The following CLEC16A variants were observed in gnomAD, a reference collection of about 807,000 sequenced individuals.
The protein encoded by CLEC16A is C-type lectin domain containing 16A.
A neutral mutation model predicts 109.5 loss-of-function variants in CLEC16A; 51 were observed. The ratio of observed to expected loss-of-function variants is 0.47; its 90% CI spans 0.37 to 0.59. The LOEUF (loss-of-function observed/expected upper bound fraction) is 0.59, where lower values mean the gene tolerates loss of function less well. Ranked by LOEUF, CLEC16A falls within the 20% of genes least tolerant of loss-of-function variation. The pLI, the probability that CLEC16A is intolerant of heterozygous loss-of-function variation, is 0.00. For synonymous variants in CLEC16A, 673 were observed against 564.2 expected, an observed-to-expected ratio of 1.19 and a Z score of -2.73; for missense variants, 1,339 against 1,394.0, an observed-to-expected ratio of 0.96 and a Z score of 0.63.
chr16:11,051,851 C>G (rs2047959035), intron 18 of CLEC16A, among the ~76,000 whole-genome samples: 2 of 152,232 alleles, frequency 1.3e-5, no homozygotes, highest in South Asian at 4.1e-4. Context: ...TCCGTTGCAT[C>G]TGGCACCCAG....
intron 19 of CLEC16A, among the ~76,000 whole-genome samples, chr16:11,084,861 T>C (rs1323338323): frequency 2.6e-5 from 4 of 152,114 alleles, no homozygotes; most frequent in African/African-American, 9.7e-5. Context: ...GGCTGGGTGG[T>C]GATTTACCTC....
intron 22 of CLEC16A, among the ~76,000 whole-genome samples, chr16:11,146,148 G>C (rs1328806883): frequency 6.6e-6 from 1 of 152,122 alleles, no homozygotes; most frequent in Non-Finnish European, 1.5e-5. Flanking sequence ...ATCTCAGAAG[G>C]TCTTGCCAGA....
chr16:11,143,669 G>A (rs984575567), intron 22 of CLEC16A, among the ~76,000 whole-genome samples: 7 of 152,184 alleles, frequency 4.6e-5, no homozygotes, highest in African/African-American at 7.2e-5. Context: ...GGCGCCCAGG[G>A]TGAGAGCAGA....
At chr16:11,059,090 A>G (rs956980707) in intron 18 of CLEC16A, among the ~76,000 whole-genome samples, 1 of 152,216 alleles carries the variant, frequency 6.6e-6, no homozygotes, top group African/African-American at 2.4e-5. Flanking sequence ...TCAGCCACTT[A>G]GCAGGTGTGT....
chr16:11,123,894 C>T lies in CLEC16A; in HGVS notation c.2421C>T (p.Arg807=), dbSNP rs200700828. 155 of 1,613,804 alleles carry T rather than the reference C, an allele frequency of 9.6e-5. No homozygotes were observed. Among genetic ancestry groups the T allele is most frequent in the Non-Finnish European group, 1.3e-4 (149 of 1,179,896 alleles). Reference sequence around the variant, plus strand: ...TCCGCTGCATCATCGCCAAGCAGCGCCTGGCCAAAGGCCGCATCCAGGCAA... The same window carrying T: ...TCCGCTGCATCATCGCCAAGCAGCGTCTGGCCAAAGGCCGCATCCAGGCAA... ...DHIRCIIAKQ[R]LAKGRIQARR... Residue 807 remains arginine (R), a synonymous_variant, in exon 21 of 24, where the codon CGC becomes CGT. Coordinates refer to ENST00000409790, the MANE Select transcript of CLEC16A (RefSeq NM_015226.3).
At chr16:11,060,286 A>G (rs151148058) in intron 18 of CLEC16A, among the ~76,000 whole-genome samples, 19 of 152,006 alleles carry the variant, frequency 1.2e-4, no homozygotes, top group African/African-American at 4.3e-4. Flanking sequence ...TCAGCAGCAC[A>G]CCCCCTGTCG....
At chr16:11,177,867 T>TG (rs1555506690) in intron 23 of CLEC16A, among the ~76,000 whole-genome samples, 43 of 151,654 alleles carry the variant, frequency 2.8e-4, no homozygotes, top group African/African-American at 1.0e-3. Flanking sequence ...TTTTTTTTTT[T>TG]AATATTGCAG....
At chr16:11,119,373 T>C (rs1041311182) in intron 19 of CLEC16A, among the ~76,000 whole-genome samples, 2 of 152,136 alleles carry the variant, frequency 1.3e-5, no homozygotes, top group Non-Finnish European at 2.9e-5. Context: ...AGTCAGGTAG[T>C]GTGATGCTTC....
intron 11 of CLEC16A, among the ~76,000 whole-genome samples, chr16:11,009,927 G>C (rs2045297133): frequency 6.6e-6 from 1 of 152,156 alleles, no homozygotes; most frequent in Non-Finnish European, 1.5e-5. Flanking sequence ...GCCAACACAA[G>C]AGGATCACCT....
Position 11,052,515 on chromosome 16 carries a change from G to A in CLEC16A, c.1995+874G>A, listed in dbSNP as rs1203929489. On this transcript the variant is annotated intron_variant, in intron 18 of 23. Transcript: ENST00000409790. ...ACCTCGGAAGCCTGGGGGTGCAGAG[G>A]AAGTGGGACCCATGTGTCTTGAGTC... is the stretch of plus-strand genomic sequence containing the variant. Among the ~76,000 whole-genome samples, 4 of 152,158 alleles carry A rather than the reference G, an allele frequency of 2.6e-5. No individual in the cohort carries two copies. The East Asian group carries it at 7.7e-4, about 29-fold the overall frequency.
chr16:11,164,897 A>G (rs751692933), intron 22 of CLEC16A, among the ~76,000 whole-genome samples: 1 of 152,204 alleles, frequency 6.6e-6, no homozygotes, highest in Non-Finnish European at 1.5e-5. Context: ...GACCGTGTGA[A>G]GTTCAGGCAG....
chr16:11,054,835 T>C (rs1001173474), intron 18 of CLEC16A, among the ~76,000 whole-genome samples: 1 of 152,166 alleles, frequency 6.6e-6, no homozygotes, highest in Non-Finnish European at 1.5e-5. Context: ...TTACATGGTT[T>C]AGCAAGCAAT....
chr16:11,076,429 G>T (rs921715545), intron 19 of CLEC16A, among the ~76,000 whole-genome samples: 2 of 152,122 alleles, frequency 1.3e-5, no homozygotes, highest in Non-Finnish European at 2.9e-5. Flanking sequence ...GAGTGGGGTT[G>T]AGGATTAACG....
intron 10 of CLEC16A, among the ~76,000 whole-genome samples, chr16:10,984,048 G>A (rs765325376): frequency 3.3e-5 from 5 of 152,080 alleles, no homozygotes; most frequent in Admixed American, 6.5e-5. Flanking sequence ...TACAAGGGCT[G>A]TTTCATAAAG....
intron 22 of CLEC16A, among the ~76,000 whole-genome samples, chr16:11,141,807 C>T (rs544034409): frequency 7.9e-4 from 120 of 152,338 alleles, no homozygotes; most frequent in African/African-American, 2.7e-3. Flanking sequence ...GAGAACGGCG[C>T]TGCCTCTGCA....
At chr16:11,092,931 C>G (rs1356706951) in intron 19 of CLEC16A, among the ~76,000 whole-genome samples, 1 of 152,236 alleles carries the variant, frequency 6.6e-6, no homozygotes, top group Non-Finnish European at 1.5e-5. Flanking sequence ...TGACTGTCCC[C>G]AGTCTAGTGG....
At chr16:11,007,917 A>G (rs1031304391) in intron 11 of CLEC16A, among the ~76,000 whole-genome samples, 2 of 152,118 alleles carry the variant, frequency 1.3e-5, no homozygotes, top group Non-Finnish European at 2.9e-5. Context: ...AGATGGGCTT[A>G]ACTGGGATAA....
chr16:11,103,536 C>T (rs1285836196), intron 19 of CLEC16A, among the ~76,000 whole-genome samples: 1 of 152,110 alleles, frequency 6.6e-6, no homozygotes, highest in Non-Finnish European at 1.5e-5. Flanking sequence ...GCCAGGAATG[C>T]GCCATTGCAC....
At position 11,167,314 on chromosome 16, in the gene CLEC16A, A is replaced by G. The variant is rs74009935; in HGVS notation, c.2806+762A>G. The stretch of plus-strand genomic sequence containing the variant: ...TGTGCCCCAGCAGCATCCCCCCGCC[A>G]TGGGTCGGGGGGTCACACCAACTGC... On this transcript the variant is annotated intron_variant, in intron 23 of 23. Coordinates refer to ENST00000409790, the MANE Select transcript of CLEC16A (RefSeq NM_015226.3). 2.0e-3 allele frequency among the ~76,000 whole-genome samples: 303 copies of G among 152,242 alleles called. 2 individuals carry two copies. Among genetic ancestry groups the G allele is most frequent in the African/African-American group, 7.0e-3 (289 of 41,536 alleles).
Sources: gnomAD v4.1 joint callset for allele counts (sites outside exome capture counted in the v4.1 genomes callset) on GRCh38, gnomAD v4.1.1 for gene constraint, MANE v1.5 for transcripts, NCBI Gene and HGNC (gene_info 2026-07-23, HGNC 2026-07-21) for gene names.